The following DNAJC3 variants were observed in gnomAD, a reference collection of about 807,000 sequenced individuals.
DNAJC3 encodes the protein DnaJ heat shock protein family (Hsp40) member C3, also known as dnaJ homolog subfamily C member 3.
Under a neutral mutation model 68.6 loss-of-function variants are expected in DNAJC3, and 38 were observed. The observed-to-expected ratio is 0.55, with a 90% CI of 0.43 to 0.73. DNAJC3 has a LOEUF of 0.73. Ranked by LOEUF, DNAJC3 falls within the 30% of genes least tolerant of loss-of-function variation. DNAJC3 has a pLI of 0.00. For synonymous variants in DNAJC3, 203 were observed against 204.0 expected, an observed-to-expected ratio of 1.00 and a Z score of 0.04; for missense variants, 526 against 591.9, an observed-to-expected ratio of 0.89 and a Z score of 1.16.
At position 95,709,344 on chromosome 13, in the gene DNAJC3, A is replaced by G. The variant is rs1337721381; in HGVS notation, c.193+7A>G. On this transcript the variant is annotated splice_region_variant and intron_variant, in intron 2 of 11. Coordinates refer to ENST00000602402, the MANE Select transcript of DNAJC3 (RefSeq NM_006260.5). ...CAGTTTCATGCTGCCGTAGGTTTGT[A>G]TCATGGAACCAAATCACTCAGTGTC... 6.3e-7 allele frequency: 1 copy of G among 1,578,228 alleles called. No individual in the cohort carries two copies. Among genetic ancestry groups the G allele is most frequent in the East Asian group, 2.3e-5 (1 of 42,736 alleles).
At chr13:95,696,784 C>T (rs1299788261) in intron 1 of DNAJC3, among the ~76,000 whole-genome samples, 1 of 151,434 alleles carries the variant, frequency 6.6e-6, no homozygotes, top group South Asian at 2.1e-4. Context: ...CTCGCTCTGT[C>T]GCCCAGACTG....
intron 4 of DNAJC3, among the ~76,000 whole-genome samples, chr13:95,734,321 T>A (rs1352215262): frequency 1.3e-5 from 2 of 152,222 alleles, no homozygotes; most frequent in African/African-American, 4.8e-5. Context: ...CAGTTTTCTC[T>A]TAGCACTTTG....
intron 9 of DNAJC3, among the ~76,000 whole-genome samples, chr13:95,783,088 G>A (rs975528918): frequency 1.3e-5 from 2 of 152,062 alleles, no homozygotes; most frequent in East Asian, 1.9e-4. Context: ...CCCATTGCTT[G>A]TTTTTTGTCT....
At chr13:95,712,355 T>A (rs192014382) in intron 2 of DNAJC3, among the ~76,000 whole-genome samples, 67 of 148,980 alleles carry the variant, frequency 4.5e-4, no homozygotes, top group Non-Finnish European at 2.8e-4. Context: ...CTGCTAGAGG[T>A]CCTAGCCAAT....
chr13:95,679,619 G>C (rs1188842391), intron 1 of DNAJC3, among the ~76,000 whole-genome samples: 2 of 152,106 alleles, frequency 1.3e-5, no homozygotes, highest in East Asian at 3.8e-4. Context: ...TAGGCCTGAG[G>C]CTTAATAAAA....
intron 4 of DNAJC3, among the ~76,000 whole-genome samples, chr13:95,733,069 A>C (rs1881767575): frequency 6.6e-6 from 1 of 152,168 alleles, no homozygotes; most frequent in Non-Finnish European, 1.5e-5. Flanking sequence ...TCTGTCCTTG[A>C]GAATGTTGCA....
Position 95,760,208 on chromosome 13 carries a change from G to C in DNAJC3, c.715G>C (p.Glu239Gln). 1 of 1,591,108 alleles carries C rather than the reference G, an allele frequency of 6.3e-7. No individual in the cohort carries two copies. The change falls in exon 6 of 12, where the codon GAA becomes CAA. Residue 239 changes from glutamate to glutamine, a missense_variant. Transcript: ENST00000602402. ...ACTGTACTACCAACTAGGAGACCAC[G>C]AACTGTCCCTCAGGTCAGTTCTAGT... Reference protein sequence around the residue: ...STLYYQLGDHELSLSEVRECL... With the variant: ...STLYYQLGDHQLSLSEVRECL...
chr13:95,700,649 G>A (rs1880559002), intron 1 of DNAJC3, among the ~76,000 whole-genome samples: 1 of 152,228 alleles, frequency 6.6e-6, no homozygotes, highest in African/African-American at 2.4e-5. Context: ...AAGGAGTTCA[G>A]TGCTTTTGGT....
chr13:95,744,067 T>A (rs1368574240), intron 4 of DNAJC3, among the ~76,000 whole-genome samples: 2 of 152,222 alleles, frequency 1.3e-5, no homozygotes, highest in African/African-American at 4.8e-5. Flanking sequence ...AATTGACACC[T>A]TTATTATGTT....
At chr13:95,772,660 T>C (rs1425397220) in intron 9 of DNAJC3, among the ~76,000 whole-genome samples, 1 of 152,242 alleles carries the variant, frequency 6.6e-6, no homozygotes, top group Non-Finnish European at 1.5e-5. Context: ...TGTTTAAATA[T>C]CTTACTTTGT....
intron 9 of DNAJC3, among the ~76,000 whole-genome samples, chr13:95,771,538 T>G (rs1055747556): frequency 1.1e-4 from 17 of 152,088 alleles, no homozygotes; most frequent in African/African-American, 3.9e-4. Context: ...CAGGGTCATA[T>G]GGAGAGTGGA....
chr13:95,744,601 A>G (rs1207690205), intron 4 of DNAJC3: 1 of 152,222 alleles, frequency 6.6e-6, no homozygotes, highest in African/African-American at 2.4e-5. Flanking sequence ...TGGCAAATTC[A>G]TATGTATGTA....
At chr13:95,779,349 C>A (rs780197597) in intron 9 of DNAJC3, among the ~76,000 whole-genome samples, 20 of 152,040 alleles carry the variant, frequency 1.3e-4, no homozygotes, top group Non-Finnish European at 1.8e-4. Flanking sequence ...TGGTCTCGAT[C>A]TCCTGACCTC....
Position 95,791,666 on chromosome 13 carries a change from G to T in DNAJC3, c.*636G>T, listed in dbSNP as rs1276305919. On this transcript the variant is annotated 3_prime_UTR_variant, in exon 12 of 12. Coordinates refer to ENST00000602402, the MANE Select transcript of DNAJC3 (RefSeq NM_006260.5). ...ATCCAGGCTTAGACTTTGGATTAAT[G>T]TTAAATGTACATTTTTTTGGTTCAG... 3.3e-5 allele frequency: 5 copies of T among 152,202 alleles called. No homozygotes were observed. Among genetic ancestry groups the T allele is most frequent in the Non-Finnish European group, 7.3e-5 (5 of 68,082 alleles). The allele number at this position is 152,202 out of a possible 1,614,324, so 9.4% of individuals were successfully genotyped here.
Position 95,763,665 on chromosome 13 carries a change from T to C in DNAJC3, c.871T>C (p.Tyr291His). Residue 291 changes from tyrosine to histidine, a missense_variant, in exon 8 of 12, where the codon TAT (tyrosine) becomes CAT (histidine). Coordinates refer to ENST00000602402, the MANE Select transcript of DNAJC3 (RefSeq NM_006260.5). ...DGRYTDATSK[Y>H]ESVMKTEPSI... is the part of the protein sequence containing the mutation. ...TAGATACACAGATGCTACCAGCAAA[T>C]ATGAATCTGTCATGAAAACAGAGCC... The C allele has an allele frequency of 6.2e-7, 1 of 1,613,868 alleles. No individual in the cohort carries two copies.
intron 1 of DNAJC3, chr13:95,693,276 G>T: frequency 6.6e-6 from 1 of 152,070 alleles, no homozygotes; most frequent in East Asian, 1.9e-4. Flanking sequence ...GCACTTACAG[G>T]TATGCCTTTC....
chr13:95,715,126 A>T (rs942339158), intron 2 of DNAJC3, among the ~76,000 whole-genome samples: 1 of 152,192 alleles, frequency 6.6e-6, no homozygotes, highest in East Asian at 1.9e-4. Flanking sequence ...GTGGCTTACA[A>T]CTGTAATTCT....
chr13:95,791,784 A>G lies in DNAJC3; in HGVS notation c.*754A>G, dbSNP rs2139703841. ...CAAATTAAAAGTTGTTATAGGTAAA[A>G]TAAGTTCAGATAAAATAGTGGTGGT... On this transcript the variant is annotated 3_prime_UTR_variant, in exon 12 of 12. Coordinates refer to ENST00000602402, the MANE Select transcript of DNAJC3 (RefSeq NM_006260.5). 6.6e-6 allele frequency: 1 copy of G among 152,394 alleles called. No homozygotes were observed. The highest frequency in any genetic ancestry group is 2.1e-4 in the South Asian group (1 of 4,834). The allele number at this position is 152,394 out of a possible 1,614,324, so 9.4% of individuals were successfully genotyped here.
At chr13:95,746,077 G>T (rs141580610) in intron 4 of DNAJC3, among the ~76,000 whole-genome samples, 1 of 152,184 alleles carries the variant, frequency 6.6e-6, no homozygotes, top group African/African-American at 2.4e-5. Flanking sequence ...TGGCAAGTAG[G>T]TTTTAGATTC....
Sources: allele counts gnomAD v4.1 joint callset (sites outside exome capture counted in the v4.1 genomes callset), GRCh38; gene constraint gnomAD v4.1.1; transcripts MANE v1.5; gene names NCBI Gene and HGNC (gene_info 2026-07-23, HGNC 2026-07-21).